FIG4: variants seen among roughly 807,000 people sequenced by gnomAD.
The protein encoded by FIG4 is polyphosphoinositide phosphatase.
A neutral mutation model predicts 118.6 loss-of-function variants in FIG4; 112 were observed. That is an observed-to-expected ratio of 0.94 (90% CI 0.81 to 1.11). The LOEUF (loss-of-function observed/expected upper bound fraction) is 1.11. Among genes scored for constraint, FIG4 ranks in the 50% least tolerant of loss-of-function variants. The pLI is 0.00. For missense variants in FIG4, 969 were observed against 1,111.7 expected (o/e 0.87, Z 1.83); for synonymous variants, 369 against 381.2 (o/e 0.97, Z 0.37).
intron 10 of FIG4, among the ~76,000 whole-genome samples, chr6:109,751,864 T>C (rs1165702558): frequency 6.6e-6 from 1 of 151,354 alleles, no homozygotes; most frequent in Non-Finnish European, 1.5e-5. Context: ...ATACTTTAAG[T>C]TTTAGGGTAC....
At chr6:109,785,229 C>G (rs925182378) in intron 17 of FIG4, among the ~76,000 whole-genome samples, 18 of 152,096 alleles carry the variant, frequency 1.2e-4, no homozygotes, top group African/African-American at 3.4e-4. Flanking sequence ...TATTATACTT[C>G]TTTTTATCTA....
At chr6:109,722,142 G>T (rs1449912367) in intron 3 of FIG4, among the ~76,000 whole-genome samples, 9 of 150,538 alleles carry the variant, frequency 6.0e-5, no homozygotes, top group Non-Finnish European at 1.0e-4. Flanking sequence ...TTCCTAAGTT[G>T]CTTTTAGTAA....
chr6:109,720,797 A>C (rs751952858), intron 3 of FIG4, among the ~76,000 whole-genome samples: 3 of 152,196 alleles, frequency 2.0e-5, no homozygotes, highest in Non-Finnish European at 4.4e-5. Context: ...TTACTGACCT[A>C]GAGGGTTTTC....
intron 22 of FIG4, among the ~76,000 whole-genome samples, chr6:109,821,243 C>G (rs1193921367): frequency 6.6e-6 from 1 of 152,214 alleles, no homozygotes; most frequent in Non-Finnish European, 1.5e-5. Flanking sequence ...GAGGAAACCT[C>G]AGAGAGCAAG....
rs746139833 is a variant in FIG4 at position 109,727,307 on chromosome 6, G to T, written c.446+42G>T. 2.0e-6 allele frequency: 3 copies of T among 1,507,508 alleles called. No individual in the cohort carries two copies. The African/African-American group carries it at 4.1e-5, about 21-fold the overall frequency. The allele number at this position is 1,507,508 out of a possible 1,614,324, so 93.4% of individuals were successfully genotyped here. ...CTACCTTTTTTTTTTTGGAGACAAGGTCTTGCCCTGTTGCCCAGGCTGGAA... is the reference window on the plus strand; with the variant it reads ...CTACCTTTTTTTTTTTGGAGACAAGTTCTTGCCCTGTTGCCCAGGCTGGAA... On this transcript the variant is annotated intron_variant, in intron 4 of 22. Transcript: ENST00000230124.
chr6:109,793,294 A>G (rs1371810803), intron 21 of FIG4, among the ~76,000 whole-genome samples: 1 of 152,248 alleles, frequency 6.6e-6, no homozygotes, highest in Non-Finnish European at 1.5e-5. Flanking sequence ...AGGACCTTGC[A>G]TCACTTTAGG....
intron 15 of FIG4, among the ~76,000 whole-genome samples, chr6:109,767,487 G>A (rs1382822786): frequency 4.6e-5 from 7 of 152,272 alleles, no homozygotes; most frequent in Admixed American, 4.6e-4. Context: ...AATTTATGAA[G>A]GAAGTGCTCA....
At chr6:109,691,651 T>G in intron 1 of FIG4, 150 bp downstream of exon 1, 14 of 754,388 alleles carry the variant, frequency 1.9e-5, no homozygotes, top group Non-Finnish European at 3.2e-5. Flanking sequence ...GTAAGCTAGC[T>G]CCCTTGAGCT....
chr6:109,700,178 G>A (rs902889141), intron 1 of FIG4, among the ~76,000 whole-genome samples: 1 of 152,132 alleles, frequency 6.6e-6, no homozygotes, highest in Non-Finnish European at 1.5e-5. Context: ...TCTTTCTCTA[G>A]CTTCATAAGA....
intron 1 of FIG4, among the ~76,000 whole-genome samples, chr6:109,714,492 C>T (rs562778815): frequency 3.9e-5 from 6 of 152,210 alleles, no homozygotes; most frequent in South Asian, 2.1e-4. Context: ...TTAGTCAGAA[C>T]GCTCCAAGGA....
intron 19 of FIG4, 123 bp downstream of exon 19, chr6:109,789,800 A>C (rs1397661259): frequency 1.8e-5 from 13 of 720,430 alleles, no homozygotes; most frequent in Non-Finnish European, 2.7e-5. Flanking sequence ...CACTGGGATC[A>C]CTAAGGTGTT....
intron 14 of FIG4, among the ~76,000 whole-genome samples, 163 bp from the exon 15 acceptor site, chr6:109,766,566 T>A (rs1777285643): frequency 6.6e-6 from 1 of 152,230 alleles, no homozygotes; most frequent in Admixed American, 6.5e-5. Context: ...AATATCACTC[T>A]AAAATATATT....
intron 22 of FIG4, among the ~76,000 whole-genome samples, chr6:109,802,450 G>A (rs1002358522): frequency 2.6e-5 from 4 of 152,190 alleles, no homozygotes; most frequent in South Asian, 2.1e-4. Flanking sequence ...AAATGAAATA[G>A]CACTGAACTG....
At chr6:109,807,849 A>G (rs1029427033) in intron 22 of FIG4, among the ~76,000 whole-genome samples, 2 of 152,166 alleles carry the variant, frequency 1.3e-5, no homozygotes, top group East Asian at 1.9e-4. Flanking sequence ...TCCCAACACC[A>G]TTTATTAAAT....
At chr6:109,784,116 A>G (rs12525386) in intron 16 of FIG4, among the ~76,000 whole-genome samples, 1 of 152,104 alleles carries the variant, frequency 6.6e-6, no homozygotes, top group South Asian at 2.1e-4. Flanking sequence ...CTTTTTAGCA[A>G]TTTTTGGCTA....
intron 11 of FIG4, 130 bp from the exon 12 acceptor site, chr6:109,761,961 A>G: frequency 1.5e-6 from 1 of 668,574 alleles, no homozygotes; most frequent in African/African-American, 1.8e-5. Flanking sequence ...TCTATCAAGT[A>G]CCAGCCAAGA....
At chr6:109,767,990 T>C (rs1215257051) in intron 15 of FIG4, among the ~76,000 whole-genome samples, 1 of 152,172 alleles carries the variant, frequency 6.6e-6, no homozygotes, top group Non-Finnish European at 1.5e-5. Flanking sequence ...TATCCTGCTG[T>C]TGAAGAGACG....
rs1777016353 is a variant in FIG4, at chr6:109,759,065, A to G, written c.1138-1185A>G. Among the ~76,000 whole-genome samples the G allele has an allele frequency of 1.4e-4, 21 of 152,342 alleles. No individual in the cohort carries two copies. The South Asian group carries it at 4.1e-3, about 30-fold the overall frequency. The stretch of plus-strand genomic sequence containing the variant: ...TGATTCCTCAAGGATCTAGAACCAG[A>G]AATGCCATTTGACCCAGCAATCCCA... On this transcript the variant is annotated intron_variant, in intron 10 of 22. Transcript: ENST00000230124.
Position 109,692,963 on chromosome 6 carries a change from C to T in FIG4, c.66+1462C>T, listed in dbSNP as rs141803243. ...CCTCCCAAAGTGTTGGGATTACAGG[C>T]ATGAGCCACCGCATCTGGCCGTAAA... On this transcript the variant is annotated intron_variant, in intron 1 of 22. Coordinates refer to ENST00000230124, the MANE Select transcript of FIG4 (RefSeq NM_014845.6). Among the ~76,000 whole-genome samples the T allele has an allele frequency of 5.9e-3, 901 of 152,298 alleles. 16 individuals carry two copies. The highest frequency in any genetic ancestry group is 0.021 in the African/African-American group (865 of 41,562).
Sources: allele counts gnomAD v4.1 joint callset (sites outside exome capture counted in the v4.1 genomes callset), GRCh38; gene constraint gnomAD v4.1.1; transcripts MANE v1.5; gene names NCBI Gene and HGNC (gene_info 2026-07-23, HGNC 2026-07-21).